Variants in FRMD6 observed in about 807,000 individuals in gnomAD.
The protein encoded by FRMD6 is FERM domain containing 6.
Under a neutral mutation model 73.2 loss-of-function variants are expected in FRMD6, and 37 were observed. The ratio of observed to expected loss-of-function variants is 0.51; its 90% CI spans 0.39 to 0.66. FRMD6 has a LOEUF of 0.66. Ranked by LOEUF, FRMD6 falls within the 30% of genes least tolerant of loss-of-function variation. The pLI, the probability that FRMD6 is intolerant of heterozygous loss-of-function variation, is 0.00. For synonymous variants in FRMD6, 273 were observed against 282.2 expected, an observed-to-expected ratio of 0.97 and a Z score of 0.33; for missense variants, 714 against 780.5, an observed-to-expected ratio of 0.91 and a Z score of 1.02.
chr14:51,397,985 G>A, the FRMD6 span, among the ~76,000 whole-genome samples: 13 of 152,118 alleles, frequency 8.5e-5, no homozygotes, highest in African/African-American at 2.4e-4. Flanking sequence ...CAGATAACGG[G>A]TATTCAACTT....
chr14:51,552,095 A>G (rs1466457100), intron 1 of FRMD6, among the ~76,000 whole-genome samples: 2 of 152,200 alleles, frequency 1.3e-5, no homozygotes, highest in Non-Finnish European at 1.5e-5. Flanking sequence ...AACATATCCT[A>G]ATGTAATTTT....
chr14:51,692,390 T>A (rs1296646890), intron 2 of FRMD6, among the ~76,000 whole-genome samples: 2 of 152,188 alleles, frequency 1.3e-5, no homozygotes, highest in Admixed American at 6.5e-5. Flanking sequence ...CAATAATTTT[T>A]AAAAATATAC....
At chr14:51,561,632 A>G (rs1321009624) in intron 1 of FRMD6, among the ~76,000 whole-genome samples, 9 of 152,136 alleles carry the variant, frequency 5.9e-5, no homozygotes, top group Admixed American at 2.6e-4. Flanking sequence ...ATTTATTTTG[A>G]TGACTTCAAC....
Position 51,699,001 on chromosome 14 carries a change from G to T in FRMD6, c.190+769G>T, listed in dbSNP as rs60886922. ...GTATTTAATTCTAATTCTTGAATAT[G>T]GTTTATTTTCTACTGCTGGAATTGG... On this transcript the variant is annotated intron_variant, in intron 3 of 13. Transcript: ENST00000344768. 3.9e-5 allele frequency among the ~76,000 whole-genome samples: 6 copies of T among 151,946 alleles called. No individual in the cohort carries two copies. In the East Asian group the frequency reaches 7.7e-4, roughly 20 times the overall value.
chr14:51,624,561 T>C (rs148010358), intron 2 of FRMD6, among the ~76,000 whole-genome samples: 30 of 152,332 alleles, frequency 2.0e-4, no homozygotes, highest in African/African-American at 7.2e-4. Context: ...AAGATGAATG[T>C]GTAGGGTGCA....
At chr14:51,545,551 C>A (rs1458408446) in intron 1 of FRMD6, among the ~76,000 whole-genome samples, 1 of 152,026 alleles carries the variant, frequency 6.6e-6, no homozygotes, top group Non-Finnish European at 1.5e-5. Context: ...ATTTACACCA[C>A]AAAAATGAGT....
chr14:51,443,942 A>ATTT, the FRMD6 span, among the ~76,000 whole-genome samples: 2 of 48,216 alleles, frequency 4.1e-5, no homozygotes, highest in South Asian at 1.5e-3. Flanking sequence ...GCAAGTTGTG[A>ATTT]GTTTTTTTTT....
At chr14:51,526,837 C>T (rs1230470196) in intron 1 of FRMD6, among the ~76,000 whole-genome samples, 1 of 152,222 alleles carries the variant, frequency 6.6e-6, no homozygotes, top group East Asian at 1.9e-4. Context: ...GACTCTGTCT[C>T]TCATCTTTCT....
chr14:51,730,246 A>T lies in FRMD6; in HGVS notation c.*2217A>T, dbSNP rs1898188140. On this transcript the variant is annotated 3_prime_UTR_variant, in exon 14 of 14. Coordinates refer to ENST00000344768, the MANE Select transcript of FRMD6 (RefSeq NM_001267046.2). ...AAATCAGATCTTTGAGGTTTTGCTG[A>T]CATTGTTGGTGGTTTTGCACATGTT... 1 of 152,216 alleles carries T rather than the reference A, an allele frequency of 6.6e-6. No homozygotes were observed. Among genetic ancestry groups the T allele is most frequent in the Non-Finnish European group, 1.5e-5 (1 of 68,034 alleles). 9.4% of individuals were successfully genotyped at this position (152,216 alleles called of 1,614,324 possible).
chr14:51,657,405 A>G (rs1255566625), intron 1 of FRMD6, among the ~76,000 whole-genome samples: 1 of 152,236 alleles, frequency 6.6e-6, no homozygotes, highest in African/African-American at 2.4e-5. Context: ...GATAACCATT[A>G]TGCTGACTTT....
At chr14:51,635,250 G>T (rs1891506284) in intron 2 of FRMD6, among the ~76,000 whole-genome samples, 1 of 152,204 alleles carries the variant, frequency 6.6e-6, no homozygotes, top group Non-Finnish European at 1.5e-5. Context: ...AAGCAAGCAA[G>T]CTGGGCATAT....
chr14:51,684,177 C>G (rs1345966207), intron 1 of FRMD6, among the ~76,000 whole-genome samples: 1 of 150,048 alleles, frequency 6.7e-6, no homozygotes, highest in Admixed American at 6.6e-5. Context: ...AAAAAAAACC[C>G]TCATAGTACA....
chr14:51,408,160 T>C, the FRMD6 span, among the ~76,000 whole-genome samples: 4 of 132,736 alleles, frequency 3.0e-5, no homozygotes, highest in Admixed American at 2.9e-4. Flanking sequence ...TCAGCTATTC[T>C]TTTTTTTTTT....
the FRMD6 span, among the ~76,000 whole-genome samples, chr14:51,412,573 C>T: frequency 1.1e-4 from 17 of 152,120 alleles, no homozygotes; most frequent in African/African-American, 2.4e-4. Flanking sequence ...ACGGACAGGC[C>T]GGGCGCGGTG....
At chr14:51,578,223 A>G (rs970973627) in intron 2 of FRMD6, among the ~76,000 whole-genome samples, 1 of 152,046 alleles carries the variant, frequency 6.6e-6, no homozygotes, top group Non-Finnish European at 1.5e-5. Context: ...GATTCTTGAC[A>G]TATGTGATTT....
chr14:51,420,761 C>A, the FRMD6 span, among the ~76,000 whole-genome samples: 1 of 151,998 alleles, frequency 6.6e-6, no homozygotes, highest in East Asian at 1.9e-4. Flanking sequence ...TATGCAAATA[C>A]GGTACCATTT....
At chr14:51,712,811 TTTTAA>T (rs1897018536) in intron 9 of FRMD6, among the ~76,000 whole-genome samples, 1 of 152,206 alleles carries the variant, frequency 6.6e-6, no homozygotes, top group Admixed American at 6.5e-5. Flanking sequence ...AAGTTAGTAA[TTTTAA>T]TTTATGTTTG....
chr14:51,688,031 C>CG (rs1895287639), intron 1 of FRMD6, among the ~76,000 whole-genome samples: 1 of 151,996 alleles, frequency 6.6e-6, no homozygotes, highest in African/African-American at 2.4e-5. Context: ...ATTCTGTGTT[C>CG]ATTACAAACA....
In FRMD6 at chr14:51,510,842, C is replaced by T. The variant is rs753049283; in HGVS notation, c.-210+21422C>T. Among the ~76,000 whole-genome samples the T allele has an allele frequency of 1.8e-4, 27 of 152,288 alleles. 1 individual carries two copies. The highest frequency in any genetic ancestry group is 1.4e-3 in the Admixed American group (21 of 15,286). ...CCCATAGGCCTTTGCAGCAACAATG[C>T]GTGTGATGTAGTTTTATCCACTTAA... On this transcript the variant is annotated intron_variant, in intron 1 of 14. Transcript: ENST00000356218.
Sources: gnomAD v4.1 joint callset for allele counts (sites outside exome capture counted in the v4.1 genomes callset) on GRCh38, gnomAD v4.1.1 for gene constraint, MANE v1.5 for transcripts, NCBI Gene and HGNC (gene_info 2026-07-23, HGNC 2026-07-21) for gene names.